ARHGAP42: variants seen among roughly 807,000 people sequenced by gnomAD.
The protein encoded by ARHGAP42 is Rho GTPase activating protein 42.
A neutral mutation model predicts 125.0 loss-of-function variants in ARHGAP42; 63 were observed. The observed-to-expected ratio is 0.50, with a 90% CI of 0.41 to 0.62. ARHGAP42 has a LOEUF of 0.62. Ranked by LOEUF, ARHGAP42 falls within the 20% of genes least tolerant of loss-of-function variation. ARHGAP42 has a pLI of 0.00. For synonymous variants in ARHGAP42, 339 were observed against 351.0 expected, an observed-to-expected ratio of 0.97 and a Z score of 0.38; for missense variants, 766 against 1,024.2, an observed-to-expected ratio of 0.75 and a Z score of 3.44.
chr11:100,915,735 C>G (rs1016404547), intron 5 of ARHGAP42, among the ~76,000 whole-genome samples: 1 of 152,158 alleles, frequency 6.6e-6, no homozygotes, highest in Non-Finnish European at 1.5e-5. Context: ...CCTCACTCCA[C>G]AAGTACACAC....
intron 4 of ARHGAP42, among the ~76,000 whole-genome samples, chr11:100,860,364 T>A (rs1046397761): frequency 6.6e-6 from 1 of 152,136 alleles, no homozygotes; most frequent in Non-Finnish European, 1.5e-5. Flanking sequence ...TGAAATAGCC[T>A]ACTAATTGAT....
chr11:100,867,380 A>G (rs1865594370), intron 4 of ARHGAP42, among the ~76,000 whole-genome samples: 1 of 152,190 alleles, frequency 6.6e-6, no homozygotes, highest in Non-Finnish European at 1.5e-5. Flanking sequence ...TTTTAGCTAT[A>G]TCTTCTGGAT....
intron 1 of ARHGAP42, among the ~76,000 whole-genome samples, chr11:100,743,461 G>C (rs997554726): frequency 6.6e-6 from 1 of 152,052 alleles, no homozygotes; most frequent in Non-Finnish European, 1.5e-5. Context: ...TTTCTTTATA[G>C]GTTACCGGGT....
At chr11:100,921,235 ATATATATATATT>A (rs1867250559) in intron 5 of ARHGAP42, among the ~76,000 whole-genome samples, 2 of 33,746 alleles carry the variant, frequency 5.9e-5, no homozygotes, top group Non-Finnish European at 1.0e-4. Context: ...ATATATATAT[ATATATATATATT>A]TTTTTTTTTT....
At chr11:100,775,902 G>A (rs1034450977) in intron 2 of ARHGAP42, among the ~76,000 whole-genome samples, 12 of 152,186 alleles carry the variant, frequency 7.9e-5, no homozygotes, top group Non-Finnish European at 1.2e-4. Flanking sequence ...GCTCACGCTT[G>A]TAATCCCAGC....
At chr11:100,818,247 C>A (rs749406121) in intron 3 of ARHGAP42, among the ~76,000 whole-genome samples, 4 of 151,842 alleles carry the variant, frequency 2.6e-5, no homozygotes. Flanking sequence ...TCCACTGACC[C>A]ATTATTCACC....
intron 3 of ARHGAP42, among the ~76,000 whole-genome samples, chr11:100,851,956 C>A (rs1483486835): frequency 6.6e-6 from 1 of 152,128 alleles, no homozygotes; most frequent in Non-Finnish European, 1.5e-5. Context: ...GGTCACTTAC[C>A]CAGTGCAGGT....
intron 1 of ARHGAP42, among the ~76,000 whole-genome samples, chr11:100,750,936 CTTTTTTTTTTT>C (rs762255065): frequency 7.9e-6 from 1 of 126,832 alleles, no homozygotes; most frequent in Non-Finnish European, 1.7e-5. Context: ...TTGATGTATA[CTTTTTTTTTTT>C]TTTTTTTTGA....
At chr11:100,927,760 C>T (rs909767624) in intron 6 of ARHGAP42, among the ~76,000 whole-genome samples, 2 of 152,140 alleles carry the variant, frequency 1.3e-5, no homozygotes, top group African/African-American at 4.8e-5. Context: ...CTTACAAATC[C>T]ATCTTTTCAG....
chr11:100,948,576 C>A, intron 11 of ARHGAP42, 41 bp downstream of exon 11: 2 of 1,355,906 alleles, frequency 1.5e-6, no homozygotes, highest in Non-Finnish European at 2.0e-6. Flanking sequence ...TTTTATTGTC[C>A]TAATAATTAT....
chr11:100,736,216 T>C lies in ARHGAP42; in HGVS notation c.155-34127T>C, dbSNP rs1413695425. Among the ~76,000 whole-genome samples, 8 of 152,186 alleles carry C rather than the reference T, an allele frequency of 5.3e-5. No individual in the cohort carries two copies. In the East Asian group the frequency reaches 1.3e-3, roughly 26 times the overall value. ...CTCAGTGGGCTTGAGCAACAAGGAA[T>C]AGAGATAGAGAATTCTCATCATTTT... is the stretch of plus-strand genomic sequence containing the variant. On this transcript the variant is annotated intron_variant, in intron 1 of 23. Transcript: ENST00000298815.
chr11:100,763,993 C>T (rs1862770182), intron 1 of ARHGAP42, among the ~76,000 whole-genome samples: 2 of 149,944 alleles, frequency 1.3e-5, no homozygotes, highest in South Asian at 4.2e-4. Context: ...CTTCCTTCTC[C>T]TCCTCCTCCC....
intron 3 of ARHGAP42, among the ~76,000 whole-genome samples, chr11:100,830,812 T>C (rs1281391736): frequency 1.3e-5 from 2 of 152,132 alleles, no homozygotes; most frequent in Non-Finnish European, 2.9e-5. Flanking sequence ...ATTTGTCAGC[T>C]CGGGCAAGGT....
chr11:100,757,122 A>T (rs1374044937), intron 1 of ARHGAP42, among the ~76,000 whole-genome samples: 1 of 152,236 alleles, frequency 6.6e-6, no homozygotes, highest in Admixed American at 6.5e-5. Context: ...TAAGAATGAG[A>T]CTTTTTAAAG....
intron 6 of ARHGAP42, among the ~76,000 whole-genome samples, chr11:100,927,323 A>G (rs1393960404): frequency 1.3e-5 from 2 of 151,408 alleles, no homozygotes; most frequent in East Asian, 4.1e-4. Flanking sequence ...TAATTTAGTA[A>G]AAGTGAAAAA....
At chr11:100,801,112 A>G (rs1565219783) in intron 3 of ARHGAP42, among the ~76,000 whole-genome samples, 2 of 152,194 alleles carry the variant, frequency 1.3e-5, no homozygotes, top group African/African-American at 4.8e-5. Flanking sequence ...TCTGTACTCA[A>G]AAAGTTTTGG....
Position 100,941,897 on chromosome 11 carries a change from T to C in ARHGAP42, c.933+13T>C, listed in dbSNP as rs1487165778. The C allele has an allele frequency of 1.3e-6, 2 of 1,493,352 alleles. No homozygotes were observed. Among genetic ancestry groups the C allele is most frequent in the Non-Finnish European group, 9.0e-7 (1 of 1,109,574 alleles). The allele number at this position is 1,493,352 out of a possible 1,614,324, so 92.5% of individuals were successfully genotyped here. A position where few individuals can be genotyped will look rare whatever the true frequency, so the allele number is the denominator to read the frequency against. ...CAGTGGGAAAATGGTGAGTTAGTTT[T>C]GTTTTCTGTTTGTTTTTTAAACTGT... is the stretch of plus-strand genomic sequence containing the variant. On this transcript the variant is annotated intron_variant, in intron 9 of 23. Coordinates refer to ENST00000298815, the MANE Select transcript of ARHGAP42 (RefSeq NM_152432.4).
At chr11:100,933,689 CAT>C (rs1240833775) in intron 7 of ARHGAP42, among the ~76,000 whole-genome samples, 2 of 152,150 alleles carry the variant, frequency 1.3e-5, no homozygotes, top group Non-Finnish European at 2.9e-5. Context: ...TGTATTAAAA[CAT>C]AACATTGTAC....
chr11:100,877,922 T>G (rs954957155), intron 4 of ARHGAP42, among the ~76,000 whole-genome samples: 34 of 149,660 alleles, frequency 2.3e-4, no homozygotes, highest in African/African-American at 8.4e-4. Context: ...GGAGAATCAC[T>G]TGAACTCGGG....
Sources: allele counts gnomAD v4.1 joint callset (sites outside exome capture counted in the v4.1 genomes callset), GRCh38; gene constraint gnomAD v4.1.1; transcripts MANE v1.5; gene names NCBI Gene and HGNC (gene_info 2026-07-23, HGNC 2026-07-21).